Variants in ST6GALNAC3 observed in about 807,000 individuals in gnomAD.
The protein encoded by ST6GALNAC3 is alpha-N-acetylgalactosaminide alpha-2,6-sialyltransferase 3.
Under a neutral mutation model 32.7 loss-of-function variants are expected in ST6GALNAC3, and 25 were observed. The observed-to-expected ratio is 0.76, with a 90% CI of 0.56 to 1.07. The LOEUF is 1.07. Ranked by LOEUF, ST6GALNAC3 falls within the 50% of genes least tolerant of loss-of-function variation. ST6GALNAC3 has a pLI of 0.00. For missense variants in ST6GALNAC3, 355 were observed against 382.4 expected (o/e 0.93, Z 0.60); for synonymous variants, 129 against 133.1 (o/e 0.97, Z 0.21).
intron 3 of ST6GALNAC3, among the ~76,000 whole-genome samples, chr1:76,594,168 G>T (rs1378781298): frequency 6.6e-6 from 1 of 152,020 alleles, no homozygotes; most frequent in Non-Finnish European, 1.5e-5. Context: ...AAATAAATAT[G>T]CTTTTTTTAG....
At chr1:76,130,543 C>T (rs184732059) in intron 1 of ST6GALNAC3, among the ~76,000 whole-genome samples, 38 of 152,294 alleles carry the variant, frequency 2.5e-4, no homozygotes, top group Middle Eastern at 6.8e-3. Flanking sequence ...GCAGGGTGGC[C>T]ACCTGCTCAT....
intron 2 of ST6GALNAC3, among the ~76,000 whole-genome samples, chr1:76,384,309 T>C (rs1252260555): frequency 6.6e-6 from 1 of 152,092 alleles, no homozygotes; most frequent in East Asian, 1.9e-4. Flanking sequence ...TGCCATGACA[T>C]AGTGACAAAA....
At chr1:76,141,042 C>T (rs563536754) in intron 1 of ST6GALNAC3, among the ~76,000 whole-genome samples, 125 of 152,034 alleles carry the variant, frequency 8.2e-4, no homozygotes, top group African/African-American at 2.8e-3. Context: ...ACGGAATGGA[C>T]GGAGGGCATT....
At chr1:76,107,381 G>A (rs1448610960) in intron 1 of ST6GALNAC3, among the ~76,000 whole-genome samples, 1 of 151,298 alleles carries the variant, frequency 6.6e-6, no homozygotes, top group Non-Finnish European at 1.5e-5. Flanking sequence ...AGGAATGGTG[G>A]CTCTGAAGAG....
intron 1 of ST6GALNAC3, among the ~76,000 whole-genome samples, chr1:76,255,672 G>A (rs1570596730): frequency 6.6e-6 from 1 of 152,176 alleles, no homozygotes; most frequent in Admixed American, 6.6e-5. Flanking sequence ...CTACTTTGTT[G>A]CCTACGTAGT....
intron 3 of ST6GALNAC3, among the ~76,000 whole-genome samples, chr1:76,593,088 A>T (rs1371469166): frequency 1.3e-5 from 2 of 152,198 alleles, no homozygotes; most frequent in African/African-American, 4.8e-5. Context: ...TTGAGAAGGC[A>T]CTTAAAGCCT....
At chr1:76,312,339 A>T (rs1285445204) in intron 1 of ST6GALNAC3, among the ~76,000 whole-genome samples, 1 of 152,232 alleles carries the variant, frequency 6.6e-6, no homozygotes, top group Non-Finnish European at 1.5e-5. Flanking sequence ...AAACCTAGGC[A>T]GTATCATTCA....
At chr1:76,611,082 T>TAC (rs529178308) in intron 3 of ST6GALNAC3, among the ~76,000 whole-genome samples, 31 of 151,774 alleles carry the variant, frequency 2.0e-4, no homozygotes, top group African/African-American at 7.2e-4. Flanking sequence ...TATATATATA[T>TAC]ACACACACAC....
chr1:76,300,739 G>C (rs1660679635), intron 1 of ST6GALNAC3, among the ~76,000 whole-genome samples: 1 of 152,160 alleles, frequency 6.6e-6, no homozygotes, highest in Non-Finnish European at 1.5e-5. Flanking sequence ...GATATGGTTT[G>C]CTGTGTATTT....
At position 76,557,211 on chromosome 1, in the gene ST6GALNAC3, CTT is replaced by C. The variant is rs1340999592; in HGVS notation, c.624-70240_624-70239del. On this transcript the variant is annotated intron_variant, in intron 3 of 4. Coordinates refer to ENST00000328299, the MANE Select transcript of ST6GALNAC3 (RefSeq NM_152996.4). ...AGATATATATTCTTATTTTGGGACTCTTAAGTTTATTCCATTGATCTTCATGT... is the reference window on the plus strand; with the variant it reads ...AGATATATATTCTTATTTTGGGACTCAAGTTTATTCCATTGATCTTCATGT... Among the ~76,000 whole-genome samples the C allele has an allele frequency of 3.3e-5, 5 of 152,124 alleles. No homozygotes were observed. In the East Asian group the frequency reaches 7.7e-4, roughly 23 times the overall value.
chr1:76,457,176 A>G (rs1247144476), intron 3 of ST6GALNAC3, among the ~76,000 whole-genome samples: 3 of 152,088 alleles, frequency 2.0e-5, no homozygotes, highest in Admixed American at 6.5e-5. Flanking sequence ...AAGGAGAACT[A>G]CAAACCACTG....
chr1:76,172,808 AC>A (rs1423196571), intron 1 of ST6GALNAC3, among the ~76,000 whole-genome samples: 1 of 152,218 alleles, frequency 6.6e-6, no homozygotes, highest in Non-Finnish European at 1.5e-5. Flanking sequence ...AAGGAGAACT[AC>A]AAACCACTAC....
intron 1 of ST6GALNAC3, among the ~76,000 whole-genome samples, chr1:76,195,258 C>T (rs1183367685): frequency 6.6e-6 from 1 of 152,146 alleles, no homozygotes; most frequent in Non-Finnish European, 1.5e-5. Context: ...AATAACTTTA[C>T]TTGGTTAATT....
intron 1 of ST6GALNAC3, among the ~76,000 whole-genome samples, chr1:76,182,163 A>T (rs941716524): frequency 6.6e-6 from 1 of 152,222 alleles, no homozygotes; most frequent in South Asian, 2.1e-4. Flanking sequence ...AGCTATACTT[A>T]TCATTTACAT....
chr1:76,304,979 TAAAC>T (rs778732323), intron 1 of ST6GALNAC3, among the ~76,000 whole-genome samples: 30 of 152,062 alleles, frequency 2.0e-4, no homozygotes, highest in Non-Finnish European at 3.2e-4. Context: ...AGCTGAGAAT[TAAAC>T]AAAAGCACCT....
intron 3 of ST6GALNAC3, among the ~76,000 whole-genome samples, chr1:76,418,972 G>A (rs767478347): frequency 3.2e-4 from 48 of 151,492 alleles, no homozygotes; most frequent in Admixed American, 5.3e-4. Flanking sequence ...AATAATGGGA[G>A]GTAGGGAAGG....
chr1:76,331,918 C>G (rs539790158), intron 2 of ST6GALNAC3, among the ~76,000 whole-genome samples: 3 of 152,122 alleles, frequency 2.0e-5, no homozygotes, highest in Admixed American at 2.0e-4. Flanking sequence ...CCTAAAATAT[C>G]TCATGAATTT....
chr1:76,524,960 A>G (rs1662775558), intron 3 of ST6GALNAC3, among the ~76,000 whole-genome samples: 1 of 152,064 alleles, frequency 6.6e-6, no homozygotes, highest in African/African-American at 2.4e-5. Context: ...AAAATCCCAC[A>G]TGAAAAGGGA....
rs556965277 is a variant in ST6GALNAC3, at chr1:76,078,619, C to T, written c.18+3735C>T. Among the ~76,000 whole-genome samples, 84 of 152,154 alleles carry T rather than the reference C, an allele frequency of 5.5e-4. 1 individual carries two copies. The South Asian group carries it at 0.017, about 31-fold the overall frequency. ...ATCATGCATTCCTCAATGGGTTATT[C>T]TAAAGGTTAAATGAGATAATCTGTA... On this transcript the variant is annotated intron_variant, in intron 1 of 4. Transcript: ENST00000328299.
Sources: gnomAD v4.1 joint callset for allele counts (sites outside exome capture counted in the v4.1 genomes callset) on GRCh38, gnomAD v4.1.1 for gene constraint, MANE v1.5 for transcripts, NCBI Gene and HGNC (gene_info 2026-07-23, HGNC 2026-07-21) for gene names.